CTNNA3: variants seen among roughly 807,000 people sequenced by gnomAD.
CTNNA3 encodes the protein catenin alpha 3.
Under a neutral mutation model 95.7 loss-of-function variants are expected in CTNNA3, and 76 were observed. That is an observed-to-expected ratio of 0.79 (90% CI 0.66 to 0.96). The LOEUF is 0.96. CTNNA3 is among the 40% of genes least tolerant of loss of function. The pLI is 0.00. For synonymous variants in CTNNA3, 431 were observed against 374.4 expected, an observed-to-expected ratio of 1.15 and a Z score of -1.74; for missense variants, 1,191 against 1,089.8, an observed-to-expected ratio of 1.09 and a Z score of -1.31.
At chr10:66,281,127 A>T (rs933099109) in intron 12 of CTNNA3, among the ~76,000 whole-genome samples, 4 of 151,916 alleles carry the variant, frequency 2.6e-5, no homozygotes, top group South Asian at 4.1e-4. Flanking sequence ...AATATTGTAA[A>T]CTTCCTTTTA....
chr10:67,732,550 T>G (rs1161024323), intron 1 of CTNNA3, among the ~76,000 whole-genome samples: 1 of 152,188 alleles, frequency 6.6e-6, no homozygotes, highest in Non-Finnish European at 1.5e-5. Context: ...CATTCTGTCT[T>G]AGGACAAAAA....
chr10:66,072,713 C>A (rs999156078), intron 14 of CTNNA3, among the ~76,000 whole-genome samples: 1 of 151,962 alleles, frequency 6.6e-6, no homozygotes, highest in Non-Finnish European at 1.5e-5. Context: ...CTTCCCCTTA[C>A]ATCCAACTGC....
intron 9 of CTNNA3, among the ~76,000 whole-genome samples, chr10:66,734,754 T>A (rs1849076524): frequency 6.6e-6 from 1 of 151,574 alleles, no homozygotes; most frequent in Admixed American, 6.6e-5. Flanking sequence ...TTCCAGCTAC[T>A]CAGGAGGCTG....
At chr10:66,898,007 T>C (rs1022802037) in intron 7 of CTNNA3, among the ~76,000 whole-genome samples, 9 of 152,058 alleles carry the variant, frequency 5.9e-5, no homozygotes, top group African/African-American at 2.2e-4. Flanking sequence ...AAAGTGAAAA[T>C]GTGCTAATGA....
At chr10:65,985,721 A>G (rs971084682) in intron 16 of CTNNA3, among the ~76,000 whole-genome samples, 10 of 151,574 alleles carry the variant, frequency 6.6e-5, no homozygotes, top group Non-Finnish European at 1.5e-4. Flanking sequence ...GAAACAAGAC[A>G]AGGCTGCCTA....
chr10:66,757,901 G>A (rs1224251183), intron 9 of CTNNA3, among the ~76,000 whole-genome samples: 3 of 152,022 alleles, frequency 2.0e-5, no homozygotes, highest in Non-Finnish European at 4.4e-5. Context: ...TTCCTTATCA[G>A]CAAAATGGTA....
At chr10:67,367,888 C>T (rs1424943322) in intron 5 of CTNNA3, among the ~76,000 whole-genome samples, 4 of 151,872 alleles carry the variant, frequency 2.6e-5, no homozygotes, top group Non-Finnish European at 5.9e-5. Flanking sequence ...AACAAGAGTG[C>T]GGAAAAAGGG....
At chr10:67,370,873 T>TG (rs1264943951) in intron 5 of CTNNA3, among the ~76,000 whole-genome samples, 7 of 150,428 alleles carry the variant, frequency 4.7e-5, no homozygotes, top group East Asian at 1.9e-4. Context: ...TTTTTTGTTT[T>TG]TTTTTTTTTT....
At chr10:66,310,037 T>A (rs905871678) in intron 12 of CTNNA3, among the ~76,000 whole-genome samples, 1 of 151,014 alleles carries the variant, frequency 6.6e-6, no homozygotes, top group Non-Finnish European at 1.5e-5. Context: ...GGCAGGAGAA[T>A]CACTTGAACC....
At chr10:66,791,885 T>C (rs1219375522) in intron 7 of CTNNA3, among the ~76,000 whole-genome samples, 3 of 152,222 alleles carry the variant, frequency 2.0e-5, no homozygotes, top group Admixed American at 6.5e-5. Flanking sequence ...TTATATACTA[T>C]ACTTATGCAC....
chr10:65,986,161 C>G (rs908232032), intron 16 of CTNNA3, among the ~76,000 whole-genome samples: 1 of 151,244 alleles, frequency 6.6e-6, no homozygotes, highest in African/African-American at 2.4e-5. Context: ...ATAGTTGACT[C>G]TGAGTGTGAA....
At chr10:67,538,153 A>C (rs1840542472) in intron 4 of CTNNA3, among the ~76,000 whole-genome samples, 1 of 137,354 alleles carries the variant, frequency 7.3e-6, no homozygotes, top group Admixed American at 7.6e-5. Context: ...AAAGCTACTT[A>C]AACTAAAAAA....
At chr10:66,626,228 T>C (rs1039974581) in intron 9 of CTNNA3, among the ~76,000 whole-genome samples, 2 of 152,164 alleles carry the variant, frequency 1.3e-5, no homozygotes, top group Non-Finnish European at 2.9e-5. Context: ...TTTGGACAGC[T>C]GCTTATCACA....
intron 7 of CTNNA3, chr10:67,054,577 A>G (rs1481379833): frequency 6.6e-6 from 1 of 152,156 alleles, no homozygotes; most frequent in African/African-American, 2.4e-5. Flanking sequence ...GAAAAGGGCA[A>G]TGCTCATATG....
chr10:67,274,182 G>A (rs898236471), intron 5 of CTNNA3, among the ~76,000 whole-genome samples: 1 of 152,252 alleles, frequency 6.6e-6, no homozygotes, highest in East Asian at 1.9e-4. Flanking sequence ...TCTTAGTTCA[G>A]CTTCATGCTG....
At chr10:66,507,213 C>G (rs143939077) in intron 11 of CTNNA3, among the ~76,000 whole-genome samples, 2 of 151,730 alleles carry the variant, frequency 1.3e-5, no homozygotes, top group Admixed American at 1.3e-4. Context: ...CTCTTTTTTT[C>G]TTTCAATTTT....
intron 5 of CTNNA3, among the ~76,000 whole-genome samples, chr10:67,509,892 C>A (rs553583884): frequency 6.6e-6 from 1 of 152,086 alleles, no homozygotes; most frequent in African/African-American, 2.4e-5. Flanking sequence ...TTCTAACTGG[C>A]GTGAGATGGT....
At chr10:67,608,678 AAAG>A (rs1172224817) in intron 2 of CTNNA3, among the ~76,000 whole-genome samples, 1 of 152,194 alleles carries the variant, frequency 6.6e-6, no homozygotes, top group Non-Finnish European at 1.5e-5. Flanking sequence ...GGAAAAAAAG[AAAG>A]AAATGAATCT....
At chr10:67,004,247 T>G (rs1851846791) in intron 7 of CTNNA3, among the ~76,000 whole-genome samples, 1 of 152,194 alleles carries the variant, frequency 6.6e-6, no homozygotes, top group Non-Finnish European at 1.5e-5. Context: ...AGAAAGATTT[T>G]TGCTTTAAAA....
Sources: gnomAD v4.1 joint callset for allele counts (sites outside exome capture counted in the v4.1 genomes callset) on GRCh38, gnomAD v4.1.1 for gene constraint, MANE v1.5 for transcripts, NCBI Gene and HGNC (gene_info 2026-07-23, HGNC 2026-07-21) for gene names.